Variants in MPDZ observed in about 807,000 individuals in gnomAD.
MPDZ encodes multiple PDZ domain crumbs cell polarity complex component.
Under a neutral mutation model 239.1 loss-of-function variants are expected in MPDZ, and 234 were observed. The observed-to-expected ratio is 0.98, with a 90% CI of 0.88 to 1.09. The LOEUF is 1.09. MPDZ is among the 50% of genes least tolerant of loss of function. The pLI is 0.00. For synonymous variants in MPDZ, 1,048 were observed against 881.3 expected (o/e 1.19, Z -3.35); for missense variants, 3,175 against 2,510.0 (o/e 1.26, Z -5.66).
At chr9:13,236,620 A>G (rs942412570) in intron 3 of MPDZ, among the ~76,000 whole-genome samples, 4 of 151,852 alleles carry the variant, frequency 2.6e-5, no homozygotes, top group Non-Finnish European at 4.4e-5. Flanking sequence ...TTCTTCTTTA[A>G]GAAGGCCTAA....
chr9:13,231,377 C>T (rs1184676748), intron 3 of MPDZ, among the ~76,000 whole-genome samples: 1 of 151,900 alleles, frequency 6.6e-6, no homozygotes, highest in Non-Finnish European at 1.5e-5. Context: ...ACCAGCCTGG[C>T]CAACATGGCA....
chr9:13,133,845 C>T lies in MPDZ; in HGVS notation c.4443G>A (p.Val1481=), dbSNP rs769194175. The T allele has an allele frequency of 6.2e-6, 10 of 1,604,776 alleles. No homozygotes were observed. The South Asian group carries it at 7.8e-5, about 12-fold the overall frequency. The change falls in exon 32 of 47, where the codon GTG becomes GTA. Residue 1481 remains valine (V), a synonymous_variant. Transcript: ENST00000319217. ...TTACCTTGGGAAGCTCCAGATGTTG[C>T]ACATTTTTAAATGAACTGAGGTCCA... ...AAVDLSSFKN[V]QHLELPKDQG...
At chr9:13,164,435 T>G (rs2225483) in intron 22 of MPDZ, among the ~76,000 whole-genome samples, 5 of 151,854 alleles carry the variant, frequency 3.3e-5, no homozygotes, top group African/African-American at 1.2e-4. Flanking sequence ...TGTGAAAAGC[T>G]TATTCAAGAA....
Position 13,196,170 on chromosome 9 carries a change from G to A in MPDZ, c.1607C>T (p.Ala536Val), listed in dbSNP as rs1419426817. The change falls in exon 13 of 47, where the codon GCT (alanine) becomes GTT (valine). Residue 536 changes from alanine to valine, a missense_variant. By Grantham distance (64) the Ala-to-Val change is moderately conservative. Transcript: ENST00000319217. The stretch of plus-strand genomic sequence containing the variant: ...AATCCTTTGCCATTTTGTCAGCAGA[G>A]CAGCTTCTTGTTTTTGTGCATCTTC... The part of the protein sequence containing the change: ...EIEDAQKQEA[A>V]LLTKWQRIMG... 3 of 1,603,808 alleles carry A rather than the reference G, an allele frequency of 1.9e-6. No individual in the cohort carries two copies. Among genetic ancestry groups the A allele is most frequent in the Non-Finnish European group, 1.7e-6 (2 of 1,174,292 alleles).
intron 34 of MPDZ, among the ~76,000 whole-genome samples, 176 bp downstream of exon 34, chr9:13,126,340 A>G (rs555411716): frequency 1.4e-4 from 22 of 152,352 alleles, no homozygotes; most frequent in African/African-American, 5.0e-4. Flanking sequence ...ATACCTTAAC[A>G]CCAACTGGAA....
At chr9:13,198,361 T>G (rs1955912005) in intron 12 of MPDZ, among the ~76,000 whole-genome samples, 1 of 152,186 alleles carries the variant, frequency 6.6e-6, no homozygotes, top group African/African-American at 2.4e-5. Flanking sequence ...ACGAACATTT[T>G]TTCATATACC....
rs201889446 is a variant in MPDZ at position 13,126,772 on chromosome 9, C to A, written c.4465G>T (p.Asp1489Tyr). 16 of 1,613,246 alleles carry A rather than the reference C, an allele frequency of 9.9e-6. No individual in the cohort carries two copies. Among genetic ancestry groups the A allele is most frequent in the Non-Finnish European group, 1.4e-5 (16 of 1,179,444 alleles). The change falls in exon 33 of 47, where the codon GAT becomes TAT. Residue 1489 changes from aspartate (D) to tyrosine (Y), a missense_variant and splice_region_variant. Physicochemically the swap from Asp to Tyr is radical, Grantham distance 160 (BLOSUM62 -3). Transcript: ENST00000319217. The stretch of plus-strand genomic sequence containing the variant: ...ATAGCAATACCCAAACCCCCCTGAT[C>A]CTAGAAAAGTAAAAACAAAAATGCT... Reference protein sequence around the residue: ...KNVQHLELPKDQGGLGIAISE... With the variant: ...KNVQHLELPKYQGGLGIAISE...
chr9:13,242,941 A>G (rs982839864), intron 3 of MPDZ, among the ~76,000 whole-genome samples: 7 of 152,172 alleles, frequency 4.6e-5, no homozygotes, highest in African/African-American at 1.4e-4. Context: ...AACTCCAGAC[A>G]TTGCCAAGTT....
intron 1 of MPDZ, among the ~76,000 whole-genome samples, chr9:13,278,184 T>G (rs1002757944): frequency 6.6e-6 from 1 of 152,186 alleles, no homozygotes; most frequent in African/African-American, 2.4e-5. Context: ...CTCTATGACA[T>G]CAAGGAACAT....
chr9:13,210,073 C>CA (rs539113172), intron 10 of MPDZ, among the ~76,000 whole-genome samples: 6,558 of 121,128 alleles, frequency 0.054, 297 homozygotes, highest in African/African-American at 0.14. Flanking sequence ...TGAGAAATTA[C>CA]AAAAAAAAAA....
intron 30 of MPDZ, 121 bp from the exon 31 acceptor site, chr9:13,136,303 C>A: frequency 2.0e-5 from 7 of 345,152 alleles, no homozygotes; most frequent in Non-Finnish European, 3.0e-5. Context: ...AACTGTGACA[C>A]TTACAAATTT....
chr9:13,114,618 G>A (rs1386439064), intron 40 of MPDZ, among the ~76,000 whole-genome samples: 2 of 152,014 alleles, frequency 1.3e-5, no homozygotes, highest in South Asian at 2.1e-4. Flanking sequence ...ATGTTATCTT[G>A]GGGCCAGGTA....
rs750939448 is a variant in MPDZ at position 13,221,517 on chromosome 9, T to G, written c.748-17A>C. 1 of 1,602,342 alleles carries G rather than the reference T, an allele frequency of 6.2e-7. No individual in the cohort carries two copies. The highest frequency in any genetic ancestry group is 1.1e-5 in the South Asian group (1 of 88,566). On this transcript the variant is annotated splice_polypyrimidine_tract_variant and intron_variant, in intron 6 of 46. Transcript: ENST00000319217. ...CCAGTGAACCTACAAACAAAGCTCA[T>G]ATATGAATTTGTAGAAATTTACAAA... is the stretch of plus-strand genomic sequence containing the variant.
At chr9:13,263,720 G>A (rs1027767925) in intron 1 of MPDZ, among the ~76,000 whole-genome samples, 5 of 152,180 alleles carry the variant, frequency 3.3e-5, no homozygotes, top group Non-Finnish European at 7.4e-5. Flanking sequence ...CAGAGAGCAG[G>A]AGGGCAGGAA....
chr9:13,193,321 GAAAAA>G lies in MPDZ; in HGVS notation c.1657-13_1657-9del. The G allele has an allele frequency of 8.2e-7, 1 of 1,214,358 alleles. No homozygotes were observed. The highest frequency in any genetic ancestry group is 1.6e-5 in the South Asian group (1 of 62,858). 75.2% of individuals were successfully genotyped at this position (1,214,358 alleles called of 1,614,324 possible). A position where few individuals can be genotyped will look rare whatever the true frequency, so the allele number is the denominator to read the frequency against. On this transcript the variant is annotated splice_polypyrimidine_tract_variant and intron_variant, in intron 13 of 46. Coordinates refer to ENST00000319217, the MANE Select transcript of MPDZ (RefSeq NM_001378778.1). The stretch of plus-strand genomic sequence containing the variant: ...CTTGCTCACATGGGCCACCTGAAAA[GAAAAA>G]AAAAAAGATCACCACAATTTTTATA...
Position 13,150,842 on chromosome 9 carries a change from T to C in MPDZ, c.3453-154A>G, listed in dbSNP as rs113401828. 4.0e-3 allele frequency among the ~76,000 whole-genome samples: 603 copies of C among 151,532 alleles called. 3 individuals are homozygous for C. Among genetic ancestry groups the C allele is most frequent in the African/African-American group, 0.014 (589 of 41,342 alleles). On this transcript the variant is annotated intron_variant, in intron 24 of 46. Coordinates refer to ENST00000319217, the MANE Select transcript of MPDZ (RefSeq NM_001378778.1). ...AATGTACTTTATCAAAATTAAAAAC[T>C]TCTGTTCATCAAATGATACTCTCAA... is the stretch of plus-strand genomic sequence containing the variant.
At chr9:13,168,042 A>G (rs1193651078) in intron 22 of MPDZ, among the ~76,000 whole-genome samples, 2 of 152,098 alleles carry the variant, frequency 1.3e-5, no homozygotes, top group Non-Finnish European at 2.9e-5. Flanking sequence ...CAATCCAAAC[A>G]TCTTTCCAAG....
intron 3 of MPDZ, among the ~76,000 whole-genome samples, chr9:13,231,721 A>AC (rs1242061267): frequency 6.6e-6 from 1 of 151,202 alleles, no homozygotes; most frequent in Non-Finnish European, 1.5e-5. Context: ...TGTGACAAAA[A>AC]AAGGCTGAAT....
chr9:13,223,596 T>C lies in MPDZ; in HGVS notation c.508A>G (p.Ile170Val). 1.2e-6 allele frequency: 2 copies of C among 1,612,160 alleles called. No individual in the cohort carries two copies. Among genetic ancestry groups the C allele is most frequent in the Non-Finnish European group, 1.7e-6 (2 of 1,178,786 alleles). The change falls in exon 5 of 47, where the codon ATA (isoleucine) becomes GTA (valine). Residue 170 changes from isoleucine (I) to valine (V), a missense_variant. Ile to Val is a conservative substitution (Grantham distance 29). Transcript: ENST00000319217. ...CTATGGGCCACACTGCCCTCTTGTA[T>C]CTCTTGAACAAATATTCCCAGCTCT... ...RGELGIFVQE[I>V]QEGSVAHRDG... is the part of the protein sequence containing the mutation.
Sources: gnomAD v4.1 joint callset for allele counts (sites outside exome capture counted in the v4.1 genomes callset) on GRCh38, gnomAD v4.1.1 for gene constraint, MANE v1.5 for transcripts, NCBI Gene and HGNC (gene_info 2026-07-23, HGNC 2026-07-21) for gene names.